The following CLIP1 variants were observed in gnomAD, a reference collection of about 807,000 sequenced individuals.
CLIP1 encodes the protein CAP-Gly domain containing linker protein 1.
CLIP1 carries 66 observed loss-of-function variants against 161.6 expected under a neutral mutation model. The ratio of observed to expected loss-of-function variants is 0.41; its 90% CI spans 0.33 to 0.50. The LOEUF (loss-of-function observed/expected upper bound fraction) is 0.50, where lower values mean the gene tolerates loss of function less well. Among genes scored for constraint, CLIP1 ranks in the 20% least tolerant of loss-of-function variants. The pLI, the probability that CLIP1 is intolerant of heterozygous loss-of-function variation, is 0.27. For missense variants in CLIP1, 1,376 were observed against 1,702.0 expected (o/e 0.81, Z 3.37); for synonymous variants, 598 against 626.2 (o/e 0.96, Z 0.67).
rs117874318 is a variant in CLIP1 at position 122,330,438 on chromosome 12, T to G, written c.2868-2012A>C. Among the ~76,000 whole-genome samples, 856 of 152,288 alleles carry G rather than the reference T, an allele frequency of 5.6e-3. 20 individuals are homozygous for G. Among genetic ancestry groups the G allele is most frequent in the East Asian group, 0.019 (98 of 5,190 alleles). On this transcript the variant is annotated intron_variant, in intron 15 of 25. Transcript: ENST00000620786. Reference sequence around the variant, plus strand: ...ACACTTTTAAGAAGTAGAAGTCTAATGCCTACAGACTTAATTTATAAATGT... The same window carrying G: ...ACACTTTTAAGAAGTAGAAGTCTAAGGCCTACAGACTTAATTTATAAATGT...
At chr12:122,306,582 C>T (rs1435237759) in intron 20 of CLIP1, among the ~76,000 whole-genome samples, 3 of 152,158 alleles carry the variant, frequency 2.0e-5, no homozygotes, top group African/African-American at 2.4e-5. Flanking sequence ...AGAGCCCGCA[C>T]CTGACCACAA....
intron 8 of CLIP1, 128 bp downstream of exon 8, chr12:122,352,598 C>T: frequency 1.2e-6 from 1 of 831,372 alleles, no homozygotes. Context: ...CAAAGCCACC[C>T]CCAGAACCTT....
intron 8 of CLIP1, among the ~76,000 whole-genome samples, chr12:122,352,306 C>T (rs1169137309): frequency 6.6e-6 from 1 of 152,142 alleles, no homozygotes; most frequent in Non-Finnish European, 1.5e-5. Context: ...ATCCACCTAC[C>T]TCGGCCTCCC....
intron 1 of CLIP1, among the ~76,000 whole-genome samples, chr12:122,418,454 G>T (rs1158376024): frequency 6.6e-6 from 1 of 152,138 alleles, no homozygotes; most frequent in Admixed American, 6.6e-5. Context: ...GAAAGAAATT[G>T]ATTATTTGGA....
At chr12:122,380,027 G>A (rs1336210717) in intron 2 of CLIP1, among the ~76,000 whole-genome samples, 4 of 150,156 alleles carry the variant, frequency 2.7e-5, no homozygotes, top group African/African-American at 7.3e-5. Context: ...GGTGGATCAC[G>A]AGGTCAGGAG....
intron 4 of CLIP1, among the ~76,000 whole-genome samples, chr12:122,361,919 C>G (rs1277765059): frequency 6.6e-6 from 1 of 152,104 alleles, no homozygotes; most frequent in South Asian, 2.1e-4. Flanking sequence ...CAAACACCAT[C>G]TGTTCCCCAA....
intron 5 of CLIP1, among the ~76,000 whole-genome samples, chr12:122,357,331 C>G (rs1291695409): frequency 1.3e-4 from 20 of 151,742 alleles, no homozygotes; most frequent in Admixed American, 7.9e-4. Flanking sequence ...CCGGCCGCCC[C>G]GTCTGAGAAG....
At chr12:122,408,506 A>G (rs925058264) in intron 1 of CLIP1, among the ~76,000 whole-genome samples, 1 of 151,412 alleles carries the variant, frequency 6.6e-6, no homozygotes, top group African/African-American at 2.4e-5. Context: ...CTGCCACCAC[A>G]CCAGGCTAAT....
chr12:122,285,909 G>A (rs79103034), intron 21 of CLIP1, among the ~76,000 whole-genome samples: 12,250 of 151,022 alleles, frequency 0.081, 600 homozygotes, highest in African/African-American at 0.14. Context: ...TAAATACCCC[G>A]AGGCCCACAG....
chr12:122,392,049 T>C (rs1317907476), intron 1 of CLIP1, among the ~76,000 whole-genome samples: 1 of 152,172 alleles, frequency 6.6e-6, no homozygotes, highest in Non-Finnish European at 1.5e-5. Context: ...GGTGAGAGGA[T>C]TGCTTAAGTC....
At chr12:122,390,527 G>A (rs1260645670) in intron 1 of CLIP1, among the ~76,000 whole-genome samples, 5 of 151,320 alleles carry the variant, frequency 3.3e-5, no homozygotes, top group Non-Finnish European at 7.4e-5. Flanking sequence ...GGCTAGTCTG[G>A]TCTGGAACTC....
intron 8 of CLIP1, among the ~76,000 whole-genome samples, chr12:122,352,070 T>C (rs1385793147): frequency 1.3e-5 from 2 of 151,562 alleles, no homozygotes; most frequent in African/African-American, 4.8e-5. Flanking sequence ...TTTTTTTTTT[T>C]TTTTGGAGAC....
chr12:122,337,325 G>C (rs1952273954), intron 11 of CLIP1, among the ~76,000 whole-genome samples: 1 of 151,762 alleles, frequency 6.6e-6, no homozygotes. Flanking sequence ...GCACGCTCCT[G>C]TAATCCCGCT....
chr12:122,357,849 G>A (rs1460964221), intron 5 of CLIP1, among the ~76,000 whole-genome samples: 5 of 151,442 alleles, frequency 3.3e-5, no homozygotes, highest in African/African-American at 4.8e-5. Flanking sequence ...CAGCCGCCCC[G>A]CCTGGGAGGT....
At chr12:122,376,541 A>T (rs2136772398) in intron 3 of CLIP1, among the ~76,000 whole-genome samples, 1 of 152,032 alleles carries the variant, frequency 6.6e-6, no homozygotes, top group Non-Finnish European at 1.5e-5. Flanking sequence ...ATCTCGGCTC[A>T]CTGCAAGCTC....
intron 20 of CLIP1, among the ~76,000 whole-genome samples, chr12:122,301,346 A>G (rs1950670021): frequency 6.6e-6 from 1 of 152,238 alleles, no homozygotes; most frequent in East Asian, 1.9e-4. Context: ...CTTTTCACAA[A>G]GTTTGAAACA....
At chr12:122,333,572 T>C (rs1384396904) in intron 14 of CLIP1, among the ~76,000 whole-genome samples, 1 of 152,150 alleles carries the variant, frequency 6.6e-6, no homozygotes, top group Non-Finnish European at 1.5e-5. Flanking sequence ...CGAGAGATAA[T>C]AGGGCCTGAT....
intron 3 of CLIP1, among the ~76,000 whole-genome samples, chr12:122,367,452 T>C (rs1051875125): frequency 7.2e-5 from 11 of 152,340 alleles, no homozygotes; most frequent in Admixed American, 5.9e-4. Context: ...GAAAGTCAGG[T>C]GAAGTCCTAA....
rs747020657 is a variant in CLIP1, at chr12:122,351,104, C to T, written c.1401+7G>A. On this transcript the variant is annotated splice_region_variant and intron_variant, in intron 9 of 25. Transcript: ENST00000620786. The stretch of plus-strand genomic sequence containing the variant: ...GGAAATATCCACACAGTTAAGTGCC[C>T]TCTTACATTCTCAGGATCTTCAGAA... 2 of 1,534,860 alleles carry T rather than the reference C, an allele frequency of 1.3e-6. No homozygotes were observed. The highest frequency in any genetic ancestry group is 2.7e-5 in the African/African-American group (2 of 73,248).
Sources: gnomAD v4.1 joint callset for allele counts (sites outside exome capture counted in the v4.1 genomes callset) on GRCh38, gnomAD v4.1.1 for gene constraint, MANE v1.5 for transcripts, NCBI Gene and HGNC (gene_info 2026-07-23, HGNC 2026-07-21) for gene names.